Variants in CCDC60 observed in about 807,000 individuals in gnomAD.
The protein encoded by CCDC60 is coiled-coil domain-containing protein 60.
In CCDC60, 54 loss-of-function variants were observed where a neutral mutation model predicts 63.5. The ratio of observed to expected loss-of-function variants is 0.85; its 90% CI spans 0.68 to 1.07. The LOEUF (loss-of-function observed/expected upper bound fraction) is 1.07, where lower values mean the gene tolerates loss of function less well. Among genes scored for constraint, CCDC60 ranks in the 50% least tolerant of loss-of-function variants. The pLI, the probability that CCDC60 is intolerant of heterozygous loss-of-function variation, is 0.00. For synonymous variants in CCDC60, 206 were observed against 238.8 expected, an observed-to-expected ratio of 0.86 and a Z score of 1.27; for missense variants, 651 against 684.3, an observed-to-expected ratio of 0.95 and a Z score of 0.54.
At chr12:119,393,969 T>A (rs1198620547) in intron 1 of CCDC60, among the ~76,000 whole-genome samples, 1 of 152,200 alleles carries the variant, frequency 6.6e-6, no homozygotes, top group Non-Finnish European at 1.5e-5. Context: ...GCCCTGATCA[T>A]CTTGAGCTTA....
intron 2 of CCDC60, chr12:119,433,462 G>A (rs560952745): frequency 8.0e-5 from 56 of 702,306 alleles, no homozygotes; most frequent in Non-Finnish European, 1.2e-4. Context: ...AGAAAGAAAC[G>A]ACAATGAGAT....
intron 1 of CCDC60, among the ~76,000 whole-genome samples, chr12:119,401,938 C>T (rs948797050): frequency 6.6e-6 from 1 of 152,194 alleles, no homozygotes; most frequent in Non-Finnish European, 1.5e-5. Flanking sequence ...ATTAACAGCA[C>T]AGCTTATTAA....
At chr12:119,508,289 T>C (rs1035789347) in intron 7 of CCDC60, among the ~76,000 whole-genome samples, 1 of 152,060 alleles carries the variant, frequency 6.6e-6, no homozygotes, top group African/African-American at 2.4e-5. Context: ...AAGACCATCC[T>C]GGCCAACGGG....
At chr12:119,460,321 T>A (rs183425929) in intron 2 of CCDC60, among the ~76,000 whole-genome samples, 5 of 152,384 alleles carry the variant, frequency 3.3e-5, no homozygotes, top group African/African-American at 1.2e-4. Flanking sequence ...GCAACTTCTT[T>A]CTTAATACTA....
intron 3 of CCDC60, among the ~76,000 whole-genome samples, chr12:119,474,081 C>A (rs571002731): frequency 6.6e-6 from 1 of 151,978 alleles, no homozygotes; most frequent in African/African-American, 2.4e-5. Flanking sequence ...TTTACATTCC[C>A]GAAAAAAAGT....
rs564899462 is a variant in CCDC60, at chr12:119,433,046, G to A, written c.170+4284G>A. 4.0e-4 allele frequency among the ~76,000 whole-genome samples: 61 copies of A among 152,222 alleles called. 1 individual carries two copies. The highest frequency in any genetic ancestry group is 2.7e-3 in the Admixed American group (41 of 15,284). On this transcript the variant is annotated intron_variant, in intron 2 of 13. Transcript: ENST00000327554. ...TCTTCCCAGCTCTGTGTTCACTGAC[G>A]TCACCACTTTGGTAGCTCGAAAGCA...
chr12:119,446,084 TAATA>T (rs145675051), intron 2 of CCDC60, among the ~76,000 whole-genome samples: 1 of 151,968 alleles, frequency 6.6e-6, no homozygotes, highest in Non-Finnish European at 1.5e-5. Flanking sequence ...AATTTAAAAA[TAATA>T]AATAAATAGT....
chr12:119,508,379 G>A (rs1394244650), intron 7 of CCDC60, among the ~76,000 whole-genome samples: 1 of 151,936 alleles, frequency 6.6e-6, no homozygotes, highest in African/African-American at 2.4e-5. Context: ...TACTCAGGAG[G>A]CTGAGGCAGG....
intron 2 of CCDC60, among the ~76,000 whole-genome samples, chr12:119,467,130 G>A (rs1950967623): frequency 6.6e-6 from 1 of 152,196 alleles, no homozygotes; most frequent in Non-Finnish European, 1.5e-5. Context: ...CACTGCCTGT[G>A]GGGTGGCCCT....
chr12:119,379,228 C>G (rs545201201), intron 1 of CCDC60, among the ~76,000 whole-genome samples: 26 of 152,358 alleles, frequency 1.7e-4, no homozygotes, highest in African/African-American at 6.3e-4. Context: ...TATAAAATCA[C>G]CCCATGTGGG....
chr12:119,407,665 C>T (rs1195219413), intron 1 of CCDC60, among the ~76,000 whole-genome samples: 1 of 152,236 alleles, frequency 6.6e-6, no homozygotes, highest in Non-Finnish European at 1.5e-5. Flanking sequence ...AGTTTCTTCA[C>T]TTAATGATCA....
intron 5 of CCDC60, among the ~76,000 whole-genome samples, chr12:119,497,181 T>G (rs1324320471): frequency 1.3e-5 from 2 of 152,218 alleles, no homozygotes; most frequent in Non-Finnish European, 2.9e-5. Flanking sequence ...AGTGCTACAC[T>G]TGCCTTCAGA....
intron 8 of CCDC60, among the ~76,000 whole-genome samples, chr12:119,517,618 G>A (rs1329519087): frequency 6.6e-6 from 1 of 152,306 alleles, no homozygotes; most frequent in Non-Finnish European, 1.5e-5. Flanking sequence ...GGGAGGTGGG[G>A]AAGAGAGTAT....
chr12:119,429,337 A>G (rs1333048028), intron 2 of CCDC60, among the ~76,000 whole-genome samples: 2 of 152,002 alleles, frequency 1.3e-5, no homozygotes, highest in African/African-American at 4.8e-5. Flanking sequence ...GCCCAGGACC[A>G]TGTTTCAGCC....
In CCDC60 at chr12:119,540,688, C is replaced by T; in HGVS notation, c.1626C>T (p.Pro542=). 6.2e-7 allele frequency: 1 copy of T among 1,613,866 alleles called. No individual in the cohort carries two copies. Among genetic ancestry groups the T allele is most frequent in the Non-Finnish European group, 8.5e-7 (1 of 1,179,974 alleles). The change falls in exon 14 of 14, where the codon CCC becomes CCT. Residue 542 remains proline, a synonymous_variant. Coordinates refer to ENST00000327554, the MANE Select transcript of CCDC60 (RefSeq NM_178499.5). ...ISWLQSRINI[P]IGPYSALR Reference sequence around the variant, plus strand: ...GGCTGCAGAGCCGGATCAACATACCCATTGGGCCCTACAGCGCCCTGAGGT... The same window carrying T: ...GGCTGCAGAGCCGGATCAACATACCTATTGGGCCCTACAGCGCCCTGAGGT...
chr12:119,370,629 A>G (rs1251975675), intron 1 of CCDC60, among the ~76,000 whole-genome samples: 1 of 152,132 alleles, frequency 6.6e-6, no homozygotes, highest in African/African-American at 2.4e-5. Flanking sequence ...CTGACATCTC[A>G]CCAACAACCT....
At chr12:119,466,161 C>A (rs1010640328) in intron 2 of CCDC60, among the ~76,000 whole-genome samples, 1 of 152,180 alleles carries the variant, frequency 6.6e-6, no homozygotes, top group African/African-American at 2.4e-5. Flanking sequence ...GAGGGTTTCA[C>A]TGACCATCTT....
chr12:119,504,200 T>G (rs1025630261), intron 6 of CCDC60, among the ~76,000 whole-genome samples: 3 of 152,172 alleles, frequency 2.0e-5, no homozygotes, highest in Non-Finnish European at 4.4e-5. Context: ...GAATTCTGGT[T>G]CTGCTATTTT....
chr12:119,400,115 TCTC>T (rs1022761730), intron 1 of CCDC60, among the ~76,000 whole-genome samples: 17 of 149,728 alleles, frequency 1.1e-4, no homozygotes, highest in African/African-American at 4.2e-4. Flanking sequence ...AGTGGCGCGA[TCTC>T]AGCTCACTGC....
Sources: gnomAD v4.1 joint callset for allele counts (sites outside exome capture counted in the v4.1 genomes callset) on GRCh38, gnomAD v4.1.1 for gene constraint, MANE v1.5 for transcripts, NCBI Gene and HGNC (gene_info 2026-07-23, HGNC 2026-07-21) for gene names.